MDGA2: variants seen among roughly 807,000 people sequenced by gnomAD.
MDGA2 encodes MAM domain-containing glycosylphosphatidylinositol anchor protein 2.
In MDGA2, 40 loss-of-function variants were observed where a neutral mutation model predicts 117.8. The observed-to-expected ratio is 0.34, with a 90% confidence interval of 0.26 to 0.44. The LOEUF is 0.44. Among genes scored for constraint, MDGA2 ranks in the 20% least tolerant of loss-of-function variants. MDGA2 has a pLI of 1.00. For synonymous variants in MDGA2, 452 were observed against 439.0 expected (o/e 1.03, Z -0.37); for missense variants, 1,123 against 1,250.6 (o/e 0.90, Z 1.54).
At chr14:47,470,523 C>G (rs1296582400) in intron 1 of MDGA2, among the ~76,000 whole-genome samples, 1 of 152,090 alleles carries the variant, frequency 6.6e-6, no homozygotes, top group African/African-American at 2.4e-5. Context: ...CATTGATGGA[C>G]ATTTGGGTTG....
At chr14:47,296,140 A>G (rs1889066092) in intron 2 of MDGA2, among the ~76,000 whole-genome samples, 1 of 152,176 alleles carries the variant, frequency 6.6e-6, no homozygotes, top group African/African-American at 2.4e-5. Flanking sequence ...AAGAGAGAGA[A>G]GAAAAAGACA....
At chr14:47,002,409 A>G (rs1383121685) in intron 8 of MDGA2, among the ~76,000 whole-genome samples, 2 of 152,118 alleles carry the variant, frequency 1.3e-5, no homozygotes, top group Non-Finnish European at 2.9e-5. Flanking sequence ...ATGGATTAAG[A>G]AATTCAATAA....
chr14:47,120,986 G>C (rs539509843), intron 5 of MDGA2, among the ~76,000 whole-genome samples: 50 of 152,260 alleles, frequency 3.3e-4, no homozygotes, highest in Non-Finnish European at 2.5e-4. Flanking sequence ...AATCCTATGA[G>C]TGTAGCTAAC....
chr14:47,007,630 A>C (rs1214118309), intron 8 of MDGA2, among the ~76,000 whole-genome samples: 1 of 151,848 alleles, frequency 6.6e-6, no homozygotes, highest in African/African-American at 2.4e-5. Context: ...AGAATGTAAC[A>C]ATGATTAGAG....
intron 10 of MDGA2, among the ~76,000 whole-genome samples, chr14:46,889,038 A>C (rs1222243724): frequency 6.6e-6 from 1 of 152,032 alleles, no homozygotes; most frequent in East Asian, 1.9e-4. Context: ...ATTTTCATGG[A>C]TTAAAATCAA....
At chr14:47,479,890 A>G (rs1035697824) in intron 1 of MDGA2, among the ~76,000 whole-genome samples, 4 of 152,048 alleles carry the variant, frequency 2.6e-5, no homozygotes, top group African/African-American at 9.7e-5. Context: ...TCCAGTTCCT[A>G]CAATACCTCT....
At chr14:47,294,191 G>C (rs1424123086) in intron 2 of MDGA2, among the ~76,000 whole-genome samples, 1 of 149,722 alleles carries the variant, frequency 6.7e-6, no homozygotes, top group African/African-American at 2.5e-5. Flanking sequence ...ACCTCCCCAG[G>C]CTCAAGCAAT....
chr14:47,612,669 G>A (rs1304702970), intron 1 of MDGA2, among the ~76,000 whole-genome samples: 7 of 152,022 alleles, frequency 4.6e-5, no homozygotes, highest in South Asian at 2.1e-4. Flanking sequence ...GCAATTTGCC[G>A]CTGTTGGTAC....
At chr14:46,932,586 C>G (rs745878213) in intron 9 of MDGA2, among the ~76,000 whole-genome samples, 1 of 151,892 alleles carries the variant, frequency 6.6e-6, no homozygotes, top group Non-Finnish European at 1.5e-5. Flanking sequence ...ACTAGAAAGG[C>G]AAAGATAATT....
chr14:46,951,883 T>C (rs1349981605), intron 9 of MDGA2, among the ~76,000 whole-genome samples: 1 of 151,968 alleles, frequency 6.6e-6, no homozygotes, highest in African/African-American at 2.4e-5. Context: ...ATAATGTAAT[T>C]CTTTATGCAG....
intron 5 of MDGA2, among the ~76,000 whole-genome samples, chr14:47,128,147 G>A (rs1201039093): frequency 2.0e-5 from 3 of 151,930 alleles, no homozygotes; most frequent in African/African-American, 7.3e-5. Flanking sequence ...AAGAATTTTT[G>A]CATAAGTCAA....
intron 2 of MDGA2, among the ~76,000 whole-genome samples, chr14:47,251,270 C>T (rs1254137721): frequency 6.6e-6 from 1 of 152,130 alleles, no homozygotes; most frequent in African/African-American, 2.4e-5. Context: ...CTGCCTCATA[C>T]ATCTCACCAA....
chr14:47,095,918 A>G (rs1253860969), intron 6 of MDGA2, among the ~76,000 whole-genome samples: 1 of 151,968 alleles, frequency 6.6e-6, no homozygotes, highest in African/African-American at 2.4e-5. Flanking sequence ...CAGCATATGG[A>G]TGTCCCTTTT....
At chr14:47,646,635 A>C (rs1897540359) in intron 1 of MDGA2, among the ~76,000 whole-genome samples, 1 of 152,216 alleles carries the variant, frequency 6.6e-6, no homozygotes, top group Non-Finnish European at 1.5e-5. Flanking sequence ...TGCAGCTGAG[A>C]ATGCATATGA....
chr14:47,282,394 A>C (rs1378602706), intron 2 of MDGA2, among the ~76,000 whole-genome samples: 1 of 152,036 alleles, frequency 6.6e-6, no homozygotes, highest in African/African-American at 2.4e-5. Context: ...AAAAATTCAA[A>C]CAGGGTAGGG....
intron 1 of MDGA2, among the ~76,000 whole-genome samples, chr14:47,463,089 T>C (rs1893525771): frequency 6.6e-6 from 1 of 152,166 alleles, no homozygotes; most frequent in African/African-American, 2.4e-5. Context: ...GATCATTCAG[T>C]TATTCAGTAG....
At chr14:47,096,463 C>A (rs1879974599) in intron 6 of MDGA2, among the ~76,000 whole-genome samples, 1 of 151,830 alleles carries the variant, frequency 6.6e-6, no homozygotes, top group Non-Finnish European at 1.5e-5. Context: ...GTAATAGGGG[C>A]TCAATAAAAG....
chr14:47,136,024 C>T (rs942185071), intron 4 of MDGA2, among the ~76,000 whole-genome samples: 14 of 152,000 alleles, frequency 9.2e-5, no homozygotes, highest in South Asian at 4.1e-4. Flanking sequence ...CTGTGTTTAA[C>T]GCTACTAATC....
At chr14:47,445,783 A>G (rs1020749133) in intron 1 of MDGA2, among the ~76,000 whole-genome samples, 2 of 152,136 alleles carry the variant, frequency 1.3e-5, no homozygotes, top group African/African-American at 4.8e-5. Flanking sequence ...ATTGCTGCAC[A>G]CCAACTTCCT....
Sources: allele counts gnomAD v4.1 joint callset (sites outside exome capture counted in the v4.1 genomes callset), GRCh38; gene constraint gnomAD v4.1.1; transcripts MANE v1.5; gene names NCBI Gene and HGNC (gene_info 2026-07-23, HGNC 2026-07-21).